POLR3B: variants seen among roughly 807,000 people sequenced by gnomAD.
The protein encoded by POLR3B is RNA polymerase III subunit B.
POLR3B carries 96 observed loss-of-function variants against 147.4 expected under a neutral mutation model. The ratio of observed to expected loss-of-function variants is 0.65; its 90% CI spans 0.55 to 0.77. The LOEUF (loss-of-function observed/expected upper bound fraction) is 0.77, where lower values mean the gene tolerates loss of function less well. Ranked by LOEUF, POLR3B falls within the 30% of genes least tolerant of loss-of-function variation. POLR3B has a pLI of 0.00. For missense variants in POLR3B, 1,036 were observed against 1,413.5 expected (o/e 0.73, Z 4.28); for synonymous variants, 461 against 485.9 (o/e 0.95, Z 0.67).
At chr12:106,422,612 C>G (rs2037386382) in intron 12 of POLR3B, among the ~76,000 whole-genome samples, 1 of 152,176 alleles carries the variant, frequency 6.6e-6, no homozygotes, top group Non-Finnish European at 1.5e-5. Context: ...GTTGTCCCAG[C>G]TCCATTTATT....
chr12:106,505,660 C>T (rs1050637940), intron 27 of POLR3B, among the ~76,000 whole-genome samples: 1 of 152,134 alleles, frequency 6.6e-6, no homozygotes, highest in African/African-American at 2.4e-5. Context: ...TCCAGCCTCA[C>T]CCCCTCATTG....
At chr12:106,436,609 C>G (rs1363178768) in intron 16 of POLR3B, among the ~76,000 whole-genome samples, 1 of 152,218 alleles carries the variant, frequency 6.6e-6, no homozygotes, top group African/African-American at 2.4e-5. Context: ...GACAGTGCTT[C>G]TTTGCCTGTT....
At chr12:106,461,109 T>A (rs969163447) in intron 22 of POLR3B, among the ~76,000 whole-genome samples, 11 of 152,136 alleles carry the variant, frequency 7.2e-5, no homozygotes, top group South Asian at 2.1e-4. Flanking sequence ...TTTTTTTTTT[T>A]ATTGAGATGG....
At position 106,489,599 on chromosome 12, in the gene POLR3B, G is replaced by T. The variant is rs541476061; in HGVS notation, c.2714-6456G>T. Among the ~76,000 whole-genome samples the T allele has an allele frequency of 5.3e-5, 8 of 152,296 alleles. No homozygotes were observed. The South Asian group carries it at 1.7e-3, about 32-fold the overall frequency. On this transcript the variant is annotated intron_variant, in intron 23 of 27. Coordinates refer to ENST00000228347, the MANE Select transcript of POLR3B (RefSeq NM_018082.6). ...ACAGTAGATATAAAGAGGCTTGTGG[G>T]AAGTAAGAAAATGGTAATTCATGTG...
Position 106,464,650 on chromosome 12 carries a change from T to C in POLR3B, c.2713+1030T>C, listed in dbSNP as rs540407735. 4.6e-5 allele frequency among the ~76,000 whole-genome samples: 7 copies of C among 152,178 alleles called. No homozygotes were observed. In the South Asian group the frequency reaches 1.5e-3, roughly 32 times the overall value. ...CAATGATCATTAACATTGACCATCT[T>C]TTTTTTTGATATATACTTAAGATGT... On this transcript the variant is annotated intron_variant, in intron 23 of 27. Transcript: ENST00000228347.
intron 18 of POLR3B, among the ~76,000 whole-genome samples, chr12:106,438,711 A>G (rs936950350): frequency 1.3e-5 from 2 of 152,174 alleles, no homozygotes; most frequent in Admixed American, 6.6e-5. Flanking sequence ...ATACTTGATT[A>G]CTGCCAAAGT....
rs1440116963 is a variant in POLR3B, at chr12:106,366,585, T to C, written c.162+13T>C. On this transcript the variant is annotated intron_variant, in intron 3 of 27. Coordinates refer to ENST00000228347, the MANE Select transcript of POLR3B (RefSeq NM_018082.6). ...CATTAATGTAGAGGTAAGCATCAGA[T>C]GTTAGAAATAGACATAAACTAAGGA... The C allele has an allele frequency of 8.7e-6, 14 of 1,602,878 alleles. No homozygotes were observed. The highest frequency in any genetic ancestry group is 1.2e-5 in the Non-Finnish European group (14 of 1,169,748).
intron 19 of POLR3B, among the ~76,000 whole-genome samples, chr12:106,450,978 T>C (rs2037787157): frequency 6.6e-6 from 1 of 152,202 alleles, no homozygotes; most frequent in African/African-American, 2.4e-5. Flanking sequence ...AAACGAAGTG[T>C]ATATTTATAC....
At chr12:106,399,716 C>T (rs1272463492) in intron 10 of POLR3B, among the ~76,000 whole-genome samples, 2 of 152,254 alleles carry the variant, frequency 1.3e-5, no homozygotes, top group Non-Finnish European at 2.9e-5. Flanking sequence ...AATTTCATAT[C>T]CAGCCAAACT....
At chr12:106,364,211 C>A (rs1417879115) in intron 2 of POLR3B, among the ~76,000 whole-genome samples, 1 of 152,202 alleles carries the variant, frequency 6.6e-6, no homozygotes, top group Non-Finnish European at 1.5e-5. Context: ...ACATAAACCA[C>A]ATCTTAAGAG....
At chr12:106,499,575 A>G (rs1372237830) in intron 25 of POLR3B, among the ~76,000 whole-genome samples, 1 of 152,212 alleles carries the variant, frequency 6.6e-6, no homozygotes, top group Non-Finnish European at 1.5e-5. Context: ...GGATGATGGA[A>G]TAGCATTGGG....
At chr12:106,393,445 A>T (rs2036939519) in intron 10 of POLR3B, among the ~76,000 whole-genome samples, 1 of 147,636 alleles carries the variant, frequency 6.8e-6, no homozygotes, top group African/African-American at 2.5e-5. Flanking sequence ...TATTTGCCTG[A>T]GTGATAATAT....
In POLR3B at chr12:106,481,132, G is replaced by A. The variant is rs370561331; in HGVS notation, c.2714-14923G>A. On this transcript the variant is annotated intron_variant, in intron 23 of 27. Coordinates refer to ENST00000228347, the MANE Select transcript of POLR3B (RefSeq NM_018082.6). Reference sequence around the variant, plus strand: ...GAGCAGAGTGAGAAGTGAGGAGGCAGCCATGAGGCTCATAGGTCACTGCAG... The same window carrying A: ...GAGCAGAGTGAGAAGTGAGGAGGCAACCATGAGGCTCATAGGTCACTGCAG... Among the ~76,000 whole-genome samples the A allele has an allele frequency of 1.4e-4, 22 of 152,228 alleles. 1 individual carries two copies. The highest frequency in any genetic ancestry group is 1.3e-3 in the East Asian group (7 of 5,188).
At chr12:106,497,895 AT>A (rs1246031710) in intron 25 of POLR3B, among the ~76,000 whole-genome samples, 2 of 152,156 alleles carry the variant, frequency 1.3e-5, no homozygotes, top group Non-Finnish European at 1.5e-5. Flanking sequence ...AGCACTGACC[AT>A]TTTCAAATAT....
intron 4 of POLR3B, among the ~76,000 whole-genome samples, chr12:106,368,727 TGA>T (rs989803976): frequency 2.0e-5 from 3 of 152,126 alleles, no homozygotes; most frequent in Admixed American, 6.5e-5. Flanking sequence ...TTTCAGTATG[TGA>T]GACATTATTA....
At chr12:106,495,989 A>G (rs1236551414) in intron 23 of POLR3B, 66 bp from the exon 24 acceptor site, 4 of 923,062 alleles carry the variant, frequency 4.3e-6, no homozygotes, top group South Asian at 1.3e-5. Flanking sequence ...GGAGATCCCA[A>G]TTAAGTACTG....
chr12:106,426,316 A>G (rs995264826), intron 12 of POLR3B, among the ~76,000 whole-genome samples: 5 of 149,520 alleles, frequency 3.3e-5, no homozygotes, highest in African/African-American at 9.9e-5. Context: ...TAGTGGCGCA[A>G]TCTCGGCTCA....
At chr12:106,476,868 C>T (rs1166522643) in intron 23 of POLR3B, among the ~76,000 whole-genome samples, 1 of 152,088 alleles carries the variant, frequency 6.6e-6, no homozygotes, top group Non-Finnish European at 1.5e-5. Context: ...TCTCTCAGCT[C>T]GTCAAAATCA....
At chr12:106,361,646 G>A (rs890356208) in intron 1 of POLR3B, among the ~76,000 whole-genome samples, 1 of 152,172 alleles carries the variant, frequency 6.6e-6, no homozygotes, top group African/African-American at 2.4e-5. Context: ...TTGGAACTGG[G>A]GGGCTGTGGG....
Sources: allele counts gnomAD v4.1 joint callset (sites outside exome capture counted in the v4.1 genomes callset), GRCh38; gene constraint gnomAD v4.1.1; transcripts MANE v1.5; gene names NCBI Gene and HGNC (gene_info 2026-07-23, HGNC 2026-07-21).